PIP4K2A: variants seen among roughly 807,000 people sequenced by gnomAD.
PIP4K2A encodes phosphatidylinositol-5-phosphate 4-kinase type 2 alpha.
Under a neutral mutation model 42.9 loss-of-function variants are expected in PIP4K2A, and 14 were observed. The observed-to-expected ratio is 0.33, with a 90% CI of 0.22 to 0.51. The LOEUF is 0.51. Ranked by LOEUF, PIP4K2A falls within the 20% of genes least tolerant of loss-of-function variation. The pLI, the probability that PIP4K2A is intolerant of heterozygous loss-of-function variation, is 0.97. For synonymous variants in PIP4K2A, 192 were observed against 192.2 expected (o/e 1.00, Z 0.01); for missense variants, 434 against 519.8 (o/e 0.83, Z 1.61).
intron 1 of PIP4K2A, chr10:22,693,894 G>A (rs1839920506): frequency 6.6e-6 from 1 of 152,108 alleles, no homozygotes; most frequent in African/African-American, 2.4e-5. Context: ...AATGAAGAGA[G>A]CATGATAAAA....
At chr10:22,688,334 G>A (rs1196737817) in intron 1 of PIP4K2A, among the ~76,000 whole-genome samples, 4 of 152,168 alleles carry the variant, frequency 2.6e-5, no homozygotes, top group African/African-American at 9.6e-5. Context: ...TAATAAACCT[G>A]CGCACATTCT....
At chr10:22,688,332 C>T (rs1472441677) in intron 1 of PIP4K2A, among the ~76,000 whole-genome samples, 3 of 152,144 alleles carry the variant, frequency 2.0e-5, no homozygotes. Flanking sequence ...GCTAATAAAC[C>T]TGCGCACATT....
At chr10:22,591,858 T>A in intron 3 of PIP4K2A, 77 bp from the exon 4 acceptor site, 1 of 1,263,110 alleles carries the variant, frequency 7.9e-7, no homozygotes, top group South Asian at 1.7e-5. Context: ...GATTCCCAGA[T>A]AATTTGTCAT....
At chr10:22,560,328 T>G (rs1445965539) in intron 6 of PIP4K2A, among the ~76,000 whole-genome samples, 1 of 152,162 alleles carries the variant, frequency 6.6e-6, no homozygotes, top group African/African-American at 2.4e-5. Flanking sequence ...TGTGTCACGT[T>G]TGGGGAGCCC....
At chr10:22,670,484 C>T (rs1033779242) in intron 1 of PIP4K2A, among the ~76,000 whole-genome samples, 1 of 152,166 alleles carries the variant, frequency 6.6e-6, no homozygotes, top group African/African-American at 2.4e-5. Context: ...ACTACAAAGA[C>T]AGGGGTTCAT....
intron 1 of PIP4K2A, among the ~76,000 whole-genome samples, chr10:22,619,764 A>T (rs1838277827): frequency 6.6e-6 from 1 of 152,188 alleles, no homozygotes; most frequent in Non-Finnish European, 1.5e-5. Context: ...ACCATTTCTC[A>T]AAAGTTGATG....
chr10:22,639,995 A>G (rs1750748), intron 1 of PIP4K2A, among the ~76,000 whole-genome samples: 39,028 of 147,408 alleles, frequency 0.26, 5,528 homozygotes, highest in Non-Finnish European at 0.31. Context: ...TCAATCCAAT[A>G]GATGCATGGA....
At chr10:22,639,633 A>G (rs1001499380) in intron 1 of PIP4K2A, among the ~76,000 whole-genome samples, 1 of 152,170 alleles carries the variant, frequency 6.6e-6, no homozygotes, top group South Asian at 2.1e-4. Flanking sequence ...TTTTTTCACA[A>G]TACAAAATGC....
At position 22,664,192 on chromosome 10, in the gene PIP4K2A, C is replaced by CAT. The variant is rs67717111; in HGVS notation, c.144+49989_144+49990dup. Among the ~76,000 whole-genome samples the CAT allele has an allele frequency of 4.5e-3, 250 of 55,492 alleles. 27 individuals carry two copies. The highest frequency in any genetic ancestry group is 0.027 in the African/African-American group (232 of 8,562). The allele number at this position is 55,492 out of a possible 152,430, so 36.4% of individuals were successfully genotyped here. On this transcript the variant is annotated intron_variant, in intron 1 of 9. Coordinates refer to ENST00000376573, the MANE Select transcript of PIP4K2A (RefSeq NM_005028.5). ...ACATATATATATATACATATATATA[C>CAT]ATATATATATACATATATATATATA...
intron 1 of PIP4K2A, among the ~76,000 whole-genome samples, chr10:22,611,114 C>T (rs1838025426): frequency 6.6e-6 from 1 of 152,100 alleles, no homozygotes; most frequent in Non-Finnish European, 1.5e-5. Context: ...TACAGTTGGG[C>T]ACAGCAGCTC....
At chr10:22,610,938 C>T (rs185382348) in intron 1 of PIP4K2A, among the ~76,000 whole-genome samples, 63 of 152,110 alleles carry the variant, frequency 4.1e-4, no homozygotes, top group African/African-American at 1.3e-3. Flanking sequence ...GAGACAGCAA[C>T]GACTAATTAA....
chr10:22,694,945 T>C (rs921393331), intron 1 of PIP4K2A, among the ~76,000 whole-genome samples: 2 of 152,206 alleles, frequency 1.3e-5, no homozygotes, highest in Non-Finnish European at 2.9e-5. Flanking sequence ...GTGGACAGTG[T>C]GAAAATGAGA....
At position 22,702,954 on chromosome 10, in the gene PIP4K2A, T is replaced by G. The variant is rs1024623492; in HGVS notation, c.144+11229A>C. Among the ~76,000 whole-genome samples the G allele has an allele frequency of 3.3e-5, 5 of 152,300 alleles. No individual in the cohort carries two copies. The South Asian group carries it at 1.0e-3, about 32-fold the overall frequency. ...AGTTGAGGGAGATAAGCAATAAAAA[T>G]GTACACAACTCAGTTTCAAACAGTG... is the stretch of plus-strand genomic sequence containing the variant. On this transcript the variant is annotated intron_variant, in intron 1 of 9. Coordinates refer to ENST00000376573, the MANE Select transcript of PIP4K2A (RefSeq NM_005028.5).
At chr10:22,682,870 T>C (rs1839689792) in intron 1 of PIP4K2A, among the ~76,000 whole-genome samples, 1 of 152,156 alleles carries the variant, frequency 6.6e-6, no homozygotes, top group South Asian at 2.1e-4. Context: ...ACACAGATGG[T>C]CCAGTCATCT....
intron 5 of PIP4K2A, among the ~76,000 whole-genome samples, chr10:22,568,180 C>G (rs1339154131): frequency 6.6e-6 from 1 of 152,220 alleles, no homozygotes; most frequent in African/African-American, 2.4e-5. Flanking sequence ...GAAAACCTGA[C>G]CATCACTTAC....
chr10:22,589,448 G>T (rs1837463789), intron 4 of PIP4K2A, among the ~76,000 whole-genome samples: 1 of 152,036 alleles, frequency 6.6e-6, no homozygotes, highest in South Asian at 2.1e-4. Flanking sequence ...AATTTCAAAA[G>T]GAATAGATAT....
intron 1 of PIP4K2A, among the ~76,000 whole-genome samples, chr10:22,628,559 T>C (rs1379215005): frequency 1.3e-5 from 2 of 152,212 alleles, no homozygotes; most frequent in African/African-American, 4.8e-5. Flanking sequence ...TAAGAACATG[T>C]GCCCAAGGAG....
Position 22,679,878 on chromosome 10 carries a change from T to C in PIP4K2A, c.144+34305A>G, listed in dbSNP as rs908006062. ...GTTGCCTAGGGCTGGGGGTAGGGGTTGGGGGAAATAAGGTTTAGGTTTCTT... is the reference window on the plus strand; with the variant it reads ...GTTGCCTAGGGCTGGGGGTAGGGGTCGGGGGAAATAAGGTTTAGGTTTCTT... On this transcript the variant is annotated intron_variant, in intron 1 of 9. Coordinates refer to ENST00000376573, the MANE Select transcript of PIP4K2A (RefSeq NM_005028.5). 4.6e-5 allele frequency among the ~76,000 whole-genome samples: 7 copies of C among 152,160 alleles called. No individual in the cohort carries two copies. The East Asian group carries it at 1.4e-3, about 29-fold the overall frequency.
intron 1 of PIP4K2A, among the ~76,000 whole-genome samples, chr10:22,674,782 A>T (rs1026848029): frequency 2.0e-5 from 3 of 148,404 alleles, no homozygotes; most frequent in Admixed American, 6.7e-5. Context: ...TCTCTACCAA[A>T]AAATAAATAA....
Sources: gnomAD v4.1 joint callset for allele counts (sites outside exome capture counted in the v4.1 genomes callset) on GRCh38, gnomAD v4.1.1 for gene constraint, MANE v1.5 for transcripts, NCBI Gene and HGNC (gene_info 2026-07-23, HGNC 2026-07-21) for gene names.